Variants in PTPRD observed in about 807,000 individuals in gnomAD.
PTPRD encodes protein tyrosine phosphatase receptor type D.
PTPRD carries 34 observed loss-of-function variants against 214.5 expected under a neutral mutation model. The ratio of observed to expected loss-of-function variants is 0.16; its 90% CI spans 0.12 to 0.21. PTPRD has a LOEUF of 0.21. Ranked by LOEUF, PTPRD falls within the 10% of genes least tolerant of loss-of-function variation. The pLI, the probability that PTPRD is intolerant of heterozygous loss-of-function variation, is 1.00. For synonymous variants in PTPRD, 1,128 were observed against 845.7 expected, an observed-to-expected ratio of 1.33 and a Z score of -5.79; for missense variants, 2,545 against 2,398.7, an observed-to-expected ratio of 1.06 and a Z score of -1.27.
intron 10 of PTPRD, among the ~76,000 whole-genome samples, chr9:9,167,118 A>G (rs532899381): frequency 1.3e-5 from 2 of 152,264 alleles, no homozygotes; most frequent in South Asian, 4.1e-4. Context: ...GATATTCAAA[A>G]CCAGGGAGCC....
At chr9:8,695,128 CATG>C (rs1274414783) in intron 12 of PTPRD, among the ~76,000 whole-genome samples, 1 of 152,104 alleles carries the variant, frequency 6.6e-6, no homozygotes, top group African/African-American at 2.4e-5. Flanking sequence ...TGGTTCCTCT[CATG>C]ATCCCTACAG....
At chr9:9,343,650 A>C (rs1294869770) in intron 9 of PTPRD, among the ~76,000 whole-genome samples, 3 of 152,202 alleles carry the variant, frequency 2.0e-5, no homozygotes, top group Non-Finnish European at 2.9e-5. Flanking sequence ...CAACAAAATC[A>C]GATAAAACAT....
chr9:9,736,043 T>C (rs962644981), intron 6 of PTPRD, among the ~76,000 whole-genome samples: 4 of 152,150 alleles, frequency 2.6e-5, no homozygotes, highest in African/African-American at 9.6e-5. Flanking sequence ...CAAAGATACA[T>C]GTGCAGAGAT....
intron 2 of PTPRD, among the ~76,000 whole-genome samples, chr9:10,417,635 T>G (rs2154514441): frequency 6.6e-6 from 1 of 151,866 alleles, no homozygotes; most frequent in East Asian, 2.0e-4. Context: ...ATATAGATTC[T>G]GAAGCATTTA....
intron 9 of PTPRD, among the ~76,000 whole-genome samples, chr9:9,372,920 A>G (rs2059903445): frequency 6.6e-6 from 1 of 152,092 alleles, no homozygotes; most frequent in East Asian, 1.9e-4. Flanking sequence ...TTGGTCAAAG[A>G]GTAATGCACA....
chr9:8,838,789 C>T (rs182363336), intron 11 of PTPRD, among the ~76,000 whole-genome samples: 1 of 151,904 alleles, frequency 6.6e-6, no homozygotes, highest in Admixed American at 6.5e-5. Context: ...GTTTGAGGAT[C>T]ATGTGACTGA....
At chr9:8,941,225 T>TGAAATCAATAAG (rs2154294871) in intron 11 of PTPRD, among the ~76,000 whole-genome samples, 1 of 152,240 alleles carries the variant, frequency 6.6e-6, no homozygotes, top group Admixed American at 6.5e-5. Context: ...CTCAACCTTG[T>TGAAATCAATAAG]GAAATCAATA....
chr9:9,442,807 AG>A (rs796953071), intron 8 of PTPRD, among the ~76,000 whole-genome samples: 37 of 152,288 alleles, frequency 2.4e-4, no homozygotes, highest in African/African-American at 8.4e-4. Flanking sequence ...GTTTCTGTTT[AG>A]TGTTTTACCC....
chr9:10,445,732 C>T (rs975217417), intron 2 of PTPRD, among the ~76,000 whole-genome samples: 10 of 151,872 alleles, frequency 6.6e-5, no homozygotes, highest in African/African-American at 2.2e-4. Context: ...GAAAGTAAAA[C>T]AAAAACATCA....
At chr9:9,459,322 T>C in intron 8 of PTPRD, among the ~76,000 whole-genome samples, 1 of 152,104 alleles carries the variant, frequency 6.6e-6, no homozygotes, top group East Asian at 1.9e-4. Flanking sequence ...TTACCACTCC[T>C]ATTTAAAATA....
intron 10 of PTPRD, among the ~76,000 whole-genome samples, chr9:9,022,170 AT>A (rs35010565): frequency 0.21 from 31,300 of 151,992 alleles, 3,314 homozygotes; most frequent in Middle Eastern, 0.26. Context: ...GTAAAAAAAA[AT>A]GTTAGCTTAC....
chr9:8,334,150 T>C (rs183650923), intron 43 of PTPRD, among the ~76,000 whole-genome samples: 3 of 152,174 alleles, frequency 2.0e-5, no homozygotes, highest in Non-Finnish European at 4.4e-5. Flanking sequence ...AGCAAGGACA[T>C]TCAGGACTTG....
At chr9:10,353,544 T>G (rs551906239) in intron 2 of PTPRD, among the ~76,000 whole-genome samples, 2 of 151,892 alleles carry the variant, frequency 1.3e-5, no homozygotes, top group African/African-American at 4.8e-5. Flanking sequence ...AAGAGAGGAT[T>G]TGGAGGTATA....
rs567089627 is a variant in PTPRD at position 8,937,436 on chromosome 9, A to C, written c.-104+81261T>G. On this transcript the variant is annotated intron_variant, in intron 11 of 45. Transcript: ENST00000381196. ...AAATTACCTATAATCTGCATTCATA[A>C]GTGCTCTAGTTCACCCAGAAAGAAA... is the stretch of plus-strand genomic sequence containing the variant. 3.9e-5 allele frequency among the ~76,000 whole-genome samples: 6 copies of C among 152,310 alleles called. No homozygotes were observed. The South Asian group carries it at 1.2e-3, about 32-fold the overall frequency.
At position 10,124,050 on chromosome 9, in the gene PTPRD, A is replaced by G. The variant is rs558851787; in HGVS notation, c.-544-90260T>C. 4.6e-5 allele frequency among the ~76,000 whole-genome samples: 7 copies of G among 152,292 alleles called. No individual in the cohort carries two copies. In the East Asian group the frequency reaches 9.7e-4, roughly 21 times the overall value. On this transcript the variant is annotated intron_variant, in intron 3 of 45. Coordinates refer to ENST00000381196, the MANE Select transcript of PTPRD (RefSeq NM_002839.4). ...GGAACATCTGAGTTTTATTGCTACT[A>G]TAAGTTGAAATGCACCCAAGCTGCA...
intron 4 of PTPRD, among the ~76,000 whole-genome samples, chr9:9,961,181 A>G (rs1416223978): frequency 6.6e-6 from 1 of 152,122 alleles, no homozygotes; most frequent in Non-Finnish European, 1.5e-5. Context: ...GTATATATAA[A>G]TATAGCTCAC....
At chr9:8,404,790 A>C (rs886223918) in intron 35 of PTPRD, 130 bp from the exon 36 acceptor site, 5 of 1,169,174 alleles carry the variant, frequency 4.3e-6, no homozygotes, top group African/African-American at 1.5e-5. Flanking sequence ...AGATGATCCT[A>C]ACTGTGAAGC....
intron 4 of PTPRD, among the ~76,000 whole-genome samples, chr9:9,975,390 A>C (rs1383481039): frequency 6.6e-6 from 1 of 152,154 alleles, no homozygotes; most frequent in Non-Finnish European, 1.5e-5. Flanking sequence ...TTCAAAATTT[A>C]GTTGCTTTTA....
chr9:9,074,351 G>A (rs1215636084), intron 10 of PTPRD, among the ~76,000 whole-genome samples: 1 of 152,072 alleles, frequency 6.6e-6, no homozygotes, highest in Admixed American at 6.6e-5. Context: ...AATGATCATT[G>A]ATAATGAAAA....
Sources: gnomAD v4.1 joint callset for allele counts (sites outside exome capture counted in the v4.1 genomes callset) on GRCh38, gnomAD v4.1.1 for gene constraint, MANE v1.5 for transcripts, NCBI Gene and HGNC (gene_info 2026-07-23, HGNC 2026-07-21) for gene names.